Variants in AGBL4 observed in about 807,000 individuals in gnomAD.
AGBL4 encodes cytosolic carboxypeptidase 6.
AGBL4 carries 58 observed loss-of-function variants against 66.4 expected under a neutral mutation model. The ratio of observed to expected loss-of-function variants is 0.87; its 90% CI spans 0.71 to 1.09. The LOEUF (loss-of-function observed/expected upper bound fraction) is 1.09, where lower values mean the gene tolerates loss of function less well. Among genes scored for constraint, AGBL4 ranks in the 50% least tolerant of loss-of-function variants. The pLI is 0.00. For synonymous variants in AGBL4, 234 were observed against 222.9 expected, an observed-to-expected ratio of 1.05 and a Z score of -0.44; for missense variants, 579 against 631.0, an observed-to-expected ratio of 0.92 and a Z score of 0.88.
intron 1 of AGBL4, among the ~76,000 whole-genome samples, chr1:49,918,082 GGAGTGTGTA>G (rs1651760952): frequency 6.6e-6 from 1 of 152,194 alleles, no homozygotes; most frequent in Non-Finnish European, 1.5e-5. Context: ...CACATTTAAA[GGAGTGTGTA>G]GAGGGTAATT....
intron 8 of AGBL4, among the ~76,000 whole-genome samples, chr1:48,636,872 T>C (rs770961203): frequency 5.9e-5 from 9 of 152,306 alleles, no homozygotes; most frequent in Admixed American, 1.3e-4. Context: ...TTTGAGAATG[T>C]ATAAGTAAAT....
chr1:49,730,962 C>T (rs373073536), intron 2 of AGBL4, among the ~76,000 whole-genome samples: 36 of 152,292 alleles, frequency 2.4e-4, no homozygotes, highest in African/African-American at 8.7e-4. Flanking sequence ...CCATTCTCTG[C>T]ATTCTACTCC....
intron 6 of AGBL4, among the ~76,000 whole-genome samples, chr1:48,852,798 A>G (rs1359258147): frequency 2.0e-5 from 3 of 152,338 alleles, no homozygotes; most frequent in African/African-American, 4.8e-5. Flanking sequence ...AGGCTAGGCA[A>G]TCTCAAAAAG....
intron 2 of AGBL4, among the ~76,000 whole-genome samples, chr1:49,747,761 C>T (rs1053499120): frequency 5.9e-5 from 9 of 152,036 alleles, no homozygotes; most frequent in African/African-American, 1.4e-4. Flanking sequence ...ACTGATCTAT[C>T]GACATATCTT....
intron 1 of AGBL4, among the ~76,000 whole-genome samples, chr1:49,892,200 G>T (rs1648724104): frequency 6.6e-6 from 1 of 152,072 alleles, no homozygotes. Flanking sequence ...AGTTTGGTAA[G>T]GACAATTAAT....
At chr1:49,258,247 G>A (rs1053378561) in intron 3 of AGBL4, among the ~76,000 whole-genome samples, 21 of 152,276 alleles carry the variant, frequency 1.4e-4, no homozygotes, top group East Asian at 3.9e-4. Context: ...AAAGCAGAGC[G>A]CCTCTCCTCC....
At chr1:49,674,047 T>C (rs982132546) in intron 3 of AGBL4, among the ~76,000 whole-genome samples, 7 of 151,976 alleles carry the variant, frequency 4.6e-5, no homozygotes, top group Non-Finnish European at 1.0e-4. Flanking sequence ...CAGAAAAGAA[T>C]CATGAGTGTG....
At chr1:48,879,254 A>T (rs1164683791) in intron 5 of AGBL4, among the ~76,000 whole-genome samples, 1 of 151,522 alleles carries the variant, frequency 6.6e-6, no homozygotes, top group Non-Finnish European at 1.5e-5. Flanking sequence ...CACATCTTGA[A>T]GTCTGTTGAG....
At chr1:49,339,186 T>C (rs1195770779) in intron 3 of AGBL4, among the ~76,000 whole-genome samples, 1 of 152,114 alleles carries the variant, frequency 6.6e-6, no homozygotes, top group African/African-American at 2.4e-5. Context: ...AAAGTCAAAC[T>C]GGCAAGCAAA....
At chr1:49,077,095 C>T (rs376935802) in intron 4 of AGBL4, among the ~76,000 whole-genome samples, 12 of 150,546 alleles carry the variant, frequency 8.0e-5, no homozygotes, top group African/African-American at 2.4e-4. Flanking sequence ...CTTCTGTGTG[C>T]GTGTGTGTGT....
chr1:49,075,445 A>T (rs1644691443), intron 4 of AGBL4, among the ~76,000 whole-genome samples: 1 of 152,174 alleles, frequency 6.6e-6, no homozygotes, highest in Non-Finnish European at 1.5e-5. Flanking sequence ...GCAAAAAATA[A>T]GCTGGTTACT....
intron 2 of AGBL4, among the ~76,000 whole-genome samples, chr1:49,776,680 A>G (rs970402514): frequency 6.6e-6 from 1 of 152,144 alleles, no homozygotes; most frequent in Non-Finnish European, 1.5e-5. Flanking sequence ...ATGTCATTTC[A>G]TCAAAGGAGG....
At chr1:48,787,778 A>T (rs974589820) in intron 6 of AGBL4, among the ~76,000 whole-genome samples, 1 of 152,142 alleles carries the variant, frequency 6.6e-6, no homozygotes, top group Non-Finnish European at 1.5e-5. Context: ...TTTTTTTGCT[A>T]ACGTAAGGAT....
chr1:49,727,533 A>G (rs1052599709), intron 2 of AGBL4, among the ~76,000 whole-genome samples: 5 of 152,298 alleles, frequency 3.3e-5, no homozygotes, highest in East Asian at 1.9e-4. Flanking sequence ...AACCAATTAA[A>G]ACGTTTGAAA....
At chr1:48,670,350 C>T (rs576208836) in intron 6 of AGBL4, among the ~76,000 whole-genome samples, 9 of 152,328 alleles carry the variant, frequency 5.9e-5, no homozygotes, top group East Asian at 3.9e-4. Flanking sequence ...TTGCCCCTGG[C>T]CACACAGCTA....
chr1:48,598,799 T>C (rs1394796457), intron 9 of AGBL4, among the ~76,000 whole-genome samples: 1 of 151,994 alleles, frequency 6.6e-6, no homozygotes, highest in Non-Finnish European at 1.5e-5. Flanking sequence ...TTTAAAACAT[T>C]TTAGTTCTTC....
At position 48,928,707 on chromosome 1, in the gene AGBL4, CATATAGGCATAATAATAGGCATAATT is replaced by C. The variant is rs1428664176; in HGVS notation, c.595-61503_595-61478del. Among the ~76,000 whole-genome samples the C allele has an allele frequency of 5.2e-3, 790 of 151,480 alleles. 11 individuals carry two copies. The highest frequency in any genetic ancestry group is 0.018 in the African/African-American group (728 of 40,912). ...GGGCCTTAGTTGTCTCACTTATAGA[CATATAGGCATAATAATAGGCATAATT>C]ATATAGGCATAATAATAGACATAAT... On this transcript the variant is annotated intron_variant, in intron 5 of 13. Transcript: ENST00000371839.
chr1:49,388,873 A>C (rs1481418111), intron 3 of AGBL4, among the ~76,000 whole-genome samples: 1 of 152,166 alleles, frequency 6.6e-6, no homozygotes, highest in African/African-American at 2.4e-5. Flanking sequence ...ATAAGGAGGT[A>C]ACAGAATGGC....
At chr1:49,742,994 A>C (rs1227576912) in intron 2 of AGBL4, among the ~76,000 whole-genome samples, 1 of 152,228 alleles carries the variant, frequency 6.6e-6, no homozygotes, top group Non-Finnish European at 1.5e-5. Flanking sequence ...GGCATGGGCA[A>C]GGACTTCATG....
Sources: gnomAD v4.1 joint callset for allele counts (sites outside exome capture counted in the v4.1 genomes callset) on GRCh38, gnomAD v4.1.1 for gene constraint, MANE v1.5 for transcripts, NCBI Gene and HGNC (gene_info 2026-07-23, HGNC 2026-07-21) for gene names.